The following IL22RA2 variants were observed in gnomAD, a reference collection of about 807,000 sequenced individuals.
IL22RA2 encodes the protein interleukin 22 receptor subunit alpha 2.
A neutral mutation model predicts 30.7 loss-of-function variants in IL22RA2; 39 were observed. The observed-to-expected ratio is 1.27, with a 90% confidence interval of 0.98 to 1.66. The LOEUF (loss-of-function observed/expected upper bound fraction) is 1.66. Ranked by LOEUF, IL22RA2 falls within the 40% of genes most tolerant of loss-of-function variation. The pLI, the probability that IL22RA2 is intolerant of heterozygous loss-of-function variation, is 0.00. For missense variants in IL22RA2, 315 were observed against 312.7 expected, an observed-to-expected ratio of 1.01 and a Z score of -0.05; for synonymous variants, 103 against 105.0, an observed-to-expected ratio of 0.98 and a Z score of 0.11.
At position 137,158,240 on chromosome 6, in the gene IL22RA2, AC is replaced by A. The variant is rs1183361105; in HGVS notation, c.197+106del. On this transcript the variant is annotated intron_variant, in intron 3 of 6. Coordinates refer to ENST00000296980, the MANE Select transcript of IL22RA2 (RefSeq NM_052962.3). ...TTATCCTGACCTTGGCTTCTTCTCA[AC>A]CCCTCTGAAACTGAAAAAAAGCTCG... The A allele has an allele frequency of 4.4e-6, 6 of 1,352,376 alleles. No individual in the cohort carries two copies. In the African/African-American group the frequency reaches 7.3e-5, roughly 16 times the overall value. 83.8% of individuals were successfully genotyped at this position (1,352,376 alleles called of 1,614,324 possible). A position where few individuals can be genotyped will look rare whatever the true frequency, so the allele number is the denominator to read the frequency against.
intron 1 of IL22RA2, among the ~76,000 whole-genome samples, chr6:137,170,181 CA>C (rs1270698873): frequency 6.6e-6 from 1 of 152,164 alleles, no homozygotes; most frequent in Non-Finnish European, 1.5e-5. Flanking sequence ...AGTATGTACC[CA>C]CTCAAGAAGA....
chr6:137,170,027 C>T (rs1778698890), intron 1 of IL22RA2, among the ~76,000 whole-genome samples: 1 of 152,156 alleles, frequency 6.6e-6, no homozygotes, highest in Admixed American at 6.5e-5. Context: ...GGCTTTGTGG[C>T]CATAAAAGGT....
At chr6:137,172,426 C>T (rs1778758166) in intron 1 of IL22RA2, among the ~76,000 whole-genome samples, 1 of 152,184 alleles carries the variant, frequency 6.6e-6, no homozygotes, top group Admixed American at 6.5e-5. Context: ...GTAATAGAAC[C>T]TGCATAAAAG....
In IL22RA2 at chr6:137,156,872, G is replaced by A. The variant is rs1187957616; in HGVS notation, c.198-18C>T. 10 of 1,600,076 alleles carry A rather than the reference G, an allele frequency of 6.2e-6. No homozygotes were observed. Among genetic ancestry groups the A allele is most frequent in the African/African-American group, 2.7e-5 (2 of 74,706 alleles). On this transcript the variant is annotated intron_variant, in intron 3 of 6. Coordinates refer to ENST00000296980, the MANE Select transcript of IL22RA2 (RefSeq NM_052962.3). ...AGAACATGCTAGAGAAGGTCAATGG[G>A]GAAAACAGATCGTGTGAAGAGGCCA...
intron 5 of IL22RA2, among the ~76,000 whole-genome samples, chr6:137,150,409 A>T (rs1293237939): frequency 6.6e-6 from 1 of 151,966 alleles, no homozygotes; most frequent in Non-Finnish European, 1.5e-5. Context: ...TTCTTCTACT[A>T]AGAGGCCCCG....
chr6:137,149,244 C>A (rs970572971), intron 5 of IL22RA2, among the ~76,000 whole-genome samples: 1 of 152,162 alleles, frequency 6.6e-6, no homozygotes, highest in Non-Finnish European at 1.5e-5. Flanking sequence ...GTACTGTATG[C>A]ATGAAATGAC....
At chr6:137,164,477 A>G (rs1778587999) in intron 1 of IL22RA2, among the ~76,000 whole-genome samples, 1 of 152,262 alleles carries the variant, frequency 6.6e-6, no homozygotes, top group Admixed American at 6.5e-5. Context: ...CATCAGAAAA[A>G]GAAAAGTCAC....
chr6:137,161,538 C>T (rs1310979872), intron 2 of IL22RA2, 151 bp downstream of exon 2: 1 of 649,446 alleles, frequency 1.5e-6, no homozygotes, highest in Non-Finnish European at 2.8e-6. Flanking sequence ...TGCAGATAGA[C>T]ACTAACCCCA....
At chr6:137,161,556 T>C (rs2114382334) in intron 2 of IL22RA2, 133 bp downstream of exon 2, 3 of 703,856 alleles carry the variant, frequency 4.3e-6, no homozygotes, top group Non-Finnish European at 5.0e-6. Flanking sequence ...CCATGCCTGC[T>C]CTGATCATTT....
intron 1 of IL22RA2, among the ~76,000 whole-genome samples, chr6:137,163,062 C>A (rs1223591367): frequency 6.6e-6 from 1 of 152,236 alleles, no homozygotes; most frequent in East Asian, 1.9e-4. Flanking sequence ...CCCAAATCCA[C>A]ATTCCTCAGA....
chr6:137,162,732 C>G (rs560423107), intron 1 of IL22RA2, among the ~76,000 whole-genome samples: 42 of 151,964 alleles, frequency 2.8e-4, no homozygotes, highest in Admixed American at 7.9e-4. Context: ...CCTTAAAGTC[C>G]AAGGAAGCTG....
chr6:137,149,117 C>T (rs1370516212), intron 5 of IL22RA2, among the ~76,000 whole-genome samples: 1 of 152,140 alleles, frequency 6.6e-6, no homozygotes, highest in African/African-American at 2.4e-5. Context: ...TCTCAGTCTC[C>T]TTTTAAGATT....
At chr6:137,162,896 G>A (rs1778550003) in intron 1 of IL22RA2, among the ~76,000 whole-genome samples, 1 of 152,146 alleles carries the variant, frequency 6.6e-6, no homozygotes, top group South Asian at 2.1e-4. Flanking sequence ...AAGGAATTAA[G>A]GAAATCAACT....
Position 137,151,873 on chromosome 6 carries a change from G to C in IL22RA2, c.472+3068C>G, listed in dbSNP as rs1041297227. Reference sequence around the variant, plus strand: ...TTACCATTTTATACCTATTAGGATGGCTATAGTCAAAAAAGATTGGTAAAA... The same window carrying C: ...TTACCATTTTATACCTATTAGGATGCCTATAGTCAAAAAAGATTGGTAAAA... On this transcript the variant is annotated intron_variant, in intron 5 of 6. Coordinates refer to ENST00000296980, the MANE Select transcript of IL22RA2 (RefSeq NM_052962.3). Among the ~76,000 whole-genome samples, 3 of 152,160 alleles carry C rather than the reference G, an allele frequency of 2.0e-5. No homozygotes were observed. In the South Asian group the frequency reaches 6.2e-4, roughly 32 times the overall value.
In IL22RA2 at chr6:137,154,529, C is replaced by T. The variant is rs750857556; in HGVS notation, c.472+412G>A. On this transcript the variant is annotated intron_variant, in intron 5 of 6. Transcript: ENST00000296980. ...ACTCGGGAGGCAGAGGCCGGAGAATCGCTTGAACCCGGGATGCAGAGGTTG... is the reference window on the plus strand; with the variant it reads ...ACTCGGGAGGCAGAGGCCGGAGAATTGCTTGAACCCGGGATGCAGAGGTTG... Among the ~76,000 whole-genome samples, 88 of 152,256 alleles carry T rather than the reference C, an allele frequency of 5.8e-4. 1 individual carries two copies. The highest frequency in any genetic ancestry group is 9.6e-4 in the Non-Finnish European group (65 of 68,022).
chr6:137,146,951 G>C (rs1778191535), intron 6 of IL22RA2, among the ~76,000 whole-genome samples: 2 of 151,988 alleles, frequency 1.3e-5, no homozygotes, highest in South Asian at 4.1e-4. Context: ...AGCTGTGATT[G>C]CACTGCTGCA....
intron 2 of IL22RA2, among the ~76,000 whole-genome samples, chr6:137,161,470 C>T (rs1778518595): frequency 6.6e-6 from 1 of 152,186 alleles, no homozygotes; most frequent in African/African-American, 2.4e-5. Flanking sequence ...TCTCTGCACC[C>T]TCTAGAGAGC....
chr6:137,168,584 C>T (rs1778670392), intron 1 of IL22RA2, among the ~76,000 whole-genome samples: 1 of 152,134 alleles, frequency 6.6e-6, no homozygotes, highest in Non-Finnish European at 1.5e-5. Context: ...AAAAAGAGTG[C>T]CCTGATTGTG....
chr6:137,154,521 C>T (rs1052710291), intron 5 of IL22RA2, among the ~76,000 whole-genome samples: 3 of 151,966 alleles, frequency 2.0e-5, no homozygotes, highest in African/African-American at 4.8e-5. Context: ...AGGCAGAGGC[C>T]GGAGAATCGC....
Sources: gnomAD v4.1 joint callset for allele counts (sites outside exome capture counted in the v4.1 genomes callset) on GRCh38, gnomAD v4.1.1 for gene constraint, MANE v1.5 for transcripts, NCBI Gene and HGNC (gene_info 2026-07-23, HGNC 2026-07-21) for gene names.